Variants in OPCML observed in about 807,000 individuals in gnomAD.
OPCML encodes opioid-binding protein/cell adhesion molecule.
OPCML carries 13 observed loss-of-function variants against 37.8 expected under a neutral mutation model. The ratio of observed to expected loss-of-function variants is 0.34; its 90% CI spans 0.22 to 0.55. The LOEUF (loss-of-function observed/expected upper bound fraction) is 0.55, where lower values mean the gene tolerates loss of function less well. Among genes scored for constraint, OPCML ranks in the 20% least tolerant of loss-of-function variants. The pLI, the probability that OPCML is intolerant of heterozygous loss-of-function variation, is 0.91. For missense variants in OPCML, 341 were observed against 435.6 expected, an observed-to-expected ratio of 0.78 and a Z score of 1.93; for synonymous variants, 176 against 168.8, an observed-to-expected ratio of 1.04 and a Z score of -0.33.
At chr11:133,268,405 T>C (rs1320931558) in intron 1 of OPCML, among the ~76,000 whole-genome samples, 1 of 152,236 alleles carries the variant, frequency 6.6e-6, no homozygotes, top group Non-Finnish European at 1.5e-5. Context: ...CCTATTCAGC[T>C]TTCTGAGTCT....
chr11:132,794,483 T>G (rs2136187877), intron 2 of OPCML, among the ~76,000 whole-genome samples: 1 of 152,314 alleles, frequency 6.6e-6, no homozygotes, highest in Admixed American at 6.5e-5. Flanking sequence ...TAGGTTCAGA[T>G]TTGGAATCCT....
chr11:132,500,060 G>A (rs752049114), intron 4 of OPCML, among the ~76,000 whole-genome samples: 3 of 152,134 alleles, frequency 2.0e-5, no homozygotes, highest in African/African-American at 4.8e-5. Context: ...CATCAAATCA[G>A]GATTGAGTCG....
At chr11:132,659,021 C>T (rs1414180843) in intron 2 of OPCML, among the ~76,000 whole-genome samples, 1 of 152,118 alleles carries the variant, frequency 6.6e-6, no homozygotes, top group Non-Finnish European at 1.5e-5. Context: ...TCTAGGTAAG[C>T]GAGTTTCCAG....
intron 1 of OPCML, among the ~76,000 whole-genome samples, chr11:133,274,355 G>A (rs543016584): frequency 6.6e-6 from 1 of 152,268 alleles, no homozygotes; most frequent in South Asian, 2.1e-4. Context: ...TGGCTCGTAA[G>A]AAAAGGAGAA....
At chr11:132,985,070 A>G (rs551149718) in intron 1 of OPCML, among the ~76,000 whole-genome samples, 3 of 152,280 alleles carry the variant, frequency 2.0e-5, no homozygotes, top group Admixed American at 2.0e-4. Flanking sequence ...TTCAGCACAC[A>G]TAATCTGGCT....
At chr11:132,908,449 C>G (rs141225354) in intron 2 of OPCML, among the ~76,000 whole-genome samples, 2 of 152,326 alleles carry the variant, frequency 1.3e-5, no homozygotes, top group East Asian at 1.9e-4. Context: ...TTTTCCAAAA[C>G]AGAAAAACCT....
chr11:133,174,564 G>T lies in OPCML; in HGVS notation c.62-231554C>A, dbSNP rs979702614. Among the ~76,000 whole-genome samples the T allele has an allele frequency of 6.7e-6, 1 of 148,518 alleles. No homozygotes were observed. Among genetic ancestry groups the T allele is most frequent in the Non-Finnish European group, 1.5e-5 (1 of 67,652 alleles). On this transcript the variant is annotated intron_variant, in intron 1 of 7. Transcript: ENST00000524381. The surrounding 1 kb of genome is among the most constrained non-coding windows in gnomAD (Gnocchi z 4.6). ...CTGCATACCCAAAAATAGTCGAAAAGAGTTGTACTCTATCTATACAGTAAG... is the reference window on the plus strand; with the variant it reads ...CTGCATACCCAAAAATAGTCGAAAATAGTTGTACTCTATCTATACAGTAAG...
At chr11:132,802,626 A>T (rs1938728824) in intron 2 of OPCML, among the ~76,000 whole-genome samples, 1 of 151,932 alleles carries the variant, frequency 6.6e-6, no homozygotes, top group African/African-American at 2.4e-5. Context: ...TGCAAAAAAA[A>T]TTAGAAAATA....
chr11:133,494,743 G>T (rs1947744998), intron 1 of OPCML, among the ~76,000 whole-genome samples: 2 of 128,244 alleles, frequency 1.6e-5, no homozygotes, highest in Admixed American at 7.6e-5. Flanking sequence ...ACGGGGGAGG[G>T]ATAGCATTGG....
chr11:133,105,406 T>C (rs1284624905), intron 1 of OPCML, among the ~76,000 whole-genome samples: 1 of 152,172 alleles, frequency 6.6e-6, no homozygotes, highest in African/African-American at 2.4e-5. Context: ...GAAGAAAAGG[T>C]ATAGGTTGAT....
chr11:133,302,913 C>T (rs1032745850), intron 1 of OPCML, among the ~76,000 whole-genome samples: 36 of 152,114 alleles, frequency 2.4e-4, no homozygotes, highest in African/African-American at 8.7e-4. Flanking sequence ...ACACAAACCT[C>T]TTCCTTTCTC....
At chr11:132,969,444 A>G (rs912888821) in intron 1 of OPCML, among the ~76,000 whole-genome samples, 1 of 152,064 alleles carries the variant, frequency 6.6e-6, no homozygotes, top group Non-Finnish European at 1.5e-5. Context: ...TGTTAAGTTT[A>G]TTAGATGTGT....
In OPCML at chr11:132,644,624, T is replaced by C. The variant is rs1478979526; in HGVS notation, c.379+12463A>G. 2.0e-5 allele frequency among the ~76,000 whole-genome samples: 3 copies of C among 152,288 alleles called. No homozygotes were observed. In the East Asian group the frequency reaches 5.8e-4, roughly 29 times the overall value. ...TGTATCTCAGCTATATTAAATTAAA[T>C]CCAAGATCCCTTTCCCAGACACACA... On this transcript the variant is annotated intron_variant, in intron 3 of 7. Coordinates refer to ENST00000524381, the MANE Select transcript of OPCML (RefSeq NM_001012393.5).
chr11:133,402,374 G>C (rs768772937), intron 1 of OPCML, among the ~76,000 whole-genome samples: 1 of 152,108 alleles, frequency 6.6e-6, no homozygotes, highest in East Asian at 1.9e-4. Flanking sequence ...TTGTTGCATC[G>C]GGGATTTAGT....
At chr11:132,460,661 C>G (rs2096098302) in intron 4 of OPCML, among the ~76,000 whole-genome samples, 1 of 152,204 alleles carries the variant, frequency 6.6e-6, no homozygotes, top group South Asian at 2.1e-4. Flanking sequence ...TTGGGGCTAT[C>G]TTTTGCAGAA....
chr11:133,295,639 C>G (rs772067433), intron 1 of OPCML, among the ~76,000 whole-genome samples: 1 of 152,204 alleles, frequency 6.6e-6, no homozygotes, highest in South Asian at 2.1e-4. Flanking sequence ...CTAAGAATGG[C>G]CGCTCCCTAG....
chr11:133,447,272 A>T (rs1946491731), intron 1 of OPCML, among the ~76,000 whole-genome samples: 1 of 152,176 alleles, frequency 6.6e-6, no homozygotes, highest in Non-Finnish European at 1.5e-5. Flanking sequence ...TTCCCTAATA[A>T]ATAATAATGT....
At chr11:132,496,540 C>T (rs1044962227) in intron 4 of OPCML, among the ~76,000 whole-genome samples, 4 of 152,212 alleles carry the variant, frequency 2.6e-5, no homozygotes, top group Admixed American at 2.6e-4. Context: ...TGGCCTCCTG[C>T]CACTCTGGGC....
At chr11:133,180,848 A>AT (rs1412671625) in intron 1 of OPCML, among the ~76,000 whole-genome samples, 1 of 151,930 alleles carries the variant, frequency 6.6e-6, no homozygotes, top group Non-Finnish European at 1.5e-5. Context: ...CAAAAAAAAA[A>AT]AAAAAAAGTG....
Sources: allele counts gnomAD v4.1 joint callset (sites outside exome capture counted in the v4.1 genomes callset), GRCh38; gene constraint gnomAD v4.1.1; non-coding constraint Gnocchi (gnomAD v3.1); transcripts MANE v1.5; gene names NCBI Gene and HGNC (gene_info 2026-07-23, HGNC 2026-07-21).